ALK: variants seen among roughly 807,000 people sequenced by gnomAD.
ALK encodes ALK tyrosine kinase receptor.
Under a neutral mutation model 163.1 loss-of-function variants are expected in ALK, and 74 were observed. The observed-to-expected ratio is 0.45, with a 90% CI of 0.38 to 0.55. The LOEUF (loss-of-function observed/expected upper bound fraction) is 0.55, where lower values mean the gene tolerates loss of function less well. Ranked by LOEUF, ALK falls within the 20% of genes least tolerant of loss-of-function variation. The pLI is 0.00. For synonymous variants in ALK, 960 were observed against 843.2 expected, an observed-to-expected ratio of 1.14 and a Z score of -2.40; for missense variants, 2,063 against 2,105.3, an observed-to-expected ratio of 0.98 and a Z score of 0.39.
chr2:29,745,194 C>T (rs1680179258), intron 1 of ALK, among the ~76,000 whole-genome samples: 1 of 152,180 alleles, frequency 6.6e-6, no homozygotes, highest in African/African-American at 2.4e-5. Flanking sequence ...ACAGCAGTCA[C>T]ACTCACATTT....
At chr2:29,880,719 A>T (rs1244750924) in intron 1 of ALK, among the ~76,000 whole-genome samples, 1 of 152,220 alleles carries the variant, frequency 6.6e-6, no homozygotes, top group Non-Finnish European at 1.5e-5. Flanking sequence ...CATTTCTTCT[A>T]GTACCCATGC....
chr2:29,849,522 C>T (rs1211793169), intron 1 of ALK, among the ~76,000 whole-genome samples: 1 of 152,156 alleles, frequency 6.6e-6, no homozygotes, highest in Non-Finnish European at 1.5e-5. Flanking sequence ...GATGTCACAC[C>T]CCACTGTATT....
intron 4 of ALK, among the ~76,000 whole-genome samples, chr2:29,450,413 C>T (rs1020726351): frequency 1.3e-5 from 2 of 152,140 alleles, no homozygotes; most frequent in Non-Finnish European, 2.9e-5. Context: ...TTCCAGGGCA[C>T]AGGGCTGAGC....
chr2:29,211,810 C>T (rs894983022), intron 24 of ALK, among the ~76,000 whole-genome samples: 1 of 152,148 alleles, frequency 6.6e-6, no homozygotes, highest in Admixed American at 6.5e-5. Context: ...TTGCTTAAAA[C>T]AGATCATCTG....
chr2:29,386,149 G>A (rs1669026637), intron 4 of ALK, among the ~76,000 whole-genome samples: 1 of 152,212 alleles, frequency 6.6e-6, no homozygotes, highest in Non-Finnish European at 1.5e-5. Context: ...CATGCGGTGG[G>A]TGTCTGCTGA....
chr2:29,595,171 TAA>T (rs1225978584), intron 3 of ALK, among the ~76,000 whole-genome samples: 1 of 152,142 alleles, frequency 6.6e-6, no homozygotes, highest in Non-Finnish European at 1.5e-5. Flanking sequence ...TAGGAAATAT[TAA>T]GATTATTTTC....
intron 3 of ALK, among the ~76,000 whole-genome samples, chr2:29,534,633 G>A (rs566061404): frequency 1.4e-4 from 21 of 152,290 alleles, no homozygotes; most frequent in African/African-American, 5.1e-4. Context: ...AAGAATGGGG[G>A]CAAAATAAAG....
intron 4 of ALK, among the ~76,000 whole-genome samples, chr2:29,477,707 G>T (rs1671561408): frequency 6.6e-6 from 1 of 152,166 alleles, no homozygotes. Context: ...AGCAGGCAGA[G>T]GGATGGAGAG....
chr2:29,331,399 T>C (rs940221571), intron 5 of ALK, among the ~76,000 whole-genome samples: 17 of 152,260 alleles, frequency 1.1e-4, no homozygotes, highest in African/African-American at 3.9e-4. Flanking sequence ...CTGTGCAGAT[T>C]TGGGGGTCCT....
chr2:29,440,759 T>C (rs1670520980), intron 4 of ALK, among the ~76,000 whole-genome samples: 1 of 152,218 alleles, frequency 6.6e-6, no homozygotes, highest in South Asian at 2.1e-4. Context: ...CTGATAACTA[T>C]TAAAGCACCA....
Position 29,920,992 on chromosome 2 carries a change from T to G in ALK, c.-333A>C. On this transcript the variant is annotated 5_prime_UTR_variant, in exon 1 of 29. Coordinates refer to ENST00000389048, the MANE Select transcript of ALK (RefSeq NM_004304.5). The stretch of plus-strand genomic sequence containing the variant: ...GCTGCGCTCGGTACAGAGGAACTAC[T>G]ATGGTTGAAGGGAGGTGGCAGTTGG... 2.8e-6 allele frequency: 1 copy of G among 354,072 alleles called. No individual in the cohort carries two copies. The highest frequency in any genetic ancestry group is 5.2e-6 in the Non-Finnish European group (1 of 193,888). 21.9% of individuals were successfully genotyped at this position (354,072 alleles called of 1,614,324 possible).
At chr2:29,396,836 G>GTT (rs10654058) in intron 4 of ALK, among the ~76,000 whole-genome samples, 3,648 of 46,404 alleles carry the variant, frequency 0.079, 697 homozygotes, top group Middle Eastern at 0.25. Context: ...TGTTACTATG[G>GTT]TTTTTTTTTT....
chr2:29,769,867 T>G (rs1680969538), intron 1 of ALK, among the ~76,000 whole-genome samples: 1 of 152,182 alleles, frequency 6.6e-6, no homozygotes, highest in Admixed American at 6.6e-5. Context: ...GCCAATTGAT[T>G]GAACAGTGAT....
At chr2:29,276,089 A>T (rs1665540666) in intron 9 of ALK, among the ~76,000 whole-genome samples, 1 of 151,966 alleles carries the variant, frequency 6.6e-6, no homozygotes, top group South Asian at 2.1e-4. Flanking sequence ...TGCTGCCCCG[A>T]CCCCTCAATT....
intron 14 of ALK, among the ~76,000 whole-genome samples, chr2:29,233,320 T>A (rs143974489): frequency 2.0e-5 from 3 of 152,160 alleles, no homozygotes; most frequent in Non-Finnish European, 4.4e-5. Flanking sequence ...TTTTTAAATT[T>A]TTTTTGGTAG....
intron 1 of ALK, among the ~76,000 whole-genome samples, chr2:29,875,809 T>G (rs1357537475): frequency 6.6e-6 from 1 of 152,238 alleles, no homozygotes; most frequent in Non-Finnish European, 1.5e-5. Context: ...ATGTGCCACA[T>G]TTTCTTTATC....
chr2:29,337,421 C>T (rs1009050642), intron 5 of ALK, among the ~76,000 whole-genome samples: 16 of 152,148 alleles, frequency 1.1e-4, no homozygotes, highest in African/African-American at 3.9e-4. Flanking sequence ...TCTCTCTGGG[C>T]CTCAGTTTCC....
At chr2:29,757,454 C>A (rs1014589454) in intron 1 of ALK, among the ~76,000 whole-genome samples, 1 of 152,186 alleles carries the variant, frequency 6.6e-6, no homozygotes, top group African/African-American at 2.4e-5. Flanking sequence ...CCTGCTATAC[C>A]ACCCTTTCAT....
intron 3 of ALK, among the ~76,000 whole-genome samples, chr2:29,630,569 T>G (rs370152316): frequency 3.9e-5 from 6 of 151,928 alleles, no homozygotes; most frequent in Non-Finnish European, 8.8e-5. Context: ...AGTACCTGAG[T>G]GTATTAGGTA....
Sources: allele counts gnomAD v4.1 joint callset (sites outside exome capture counted in the v4.1 genomes callset), GRCh38; gene constraint gnomAD v4.1.1; transcripts MANE v1.5; gene names NCBI Gene and HGNC (gene_info 2026-07-23, HGNC 2026-07-21).